PER2: variants seen among roughly 807,000 people sequenced by gnomAD.
The protein encoded by PER2 is period circadian protein homolog 2.
A neutral mutation model predicts 121.0 loss-of-function variants in PER2; 66 were observed. The observed-to-expected ratio is 0.55, with a 90% confidence interval of 0.45 to 0.67. The LOEUF (loss-of-function observed/expected upper bound fraction) is 0.67, where lower values mean the gene tolerates loss of function less well. Ranked by LOEUF, PER2 falls within the 30% of genes least tolerant of loss-of-function variation. The pLI is 0.00. For missense variants in PER2, 1,521 were observed against 1,635.0 expected (o/e 0.93, Z 1.20); for synonymous variants, 684 against 659.9 (o/e 1.04, Z -0.56).
intron 20 of PER2, 34 bp from the exon 21 acceptor site, chr2:238,250,777 T>C (rs368576230): frequency 3.2e-5 from 46 of 1,451,086 alleles, no homozygotes; most frequent in Non-Finnish European, 4.1e-5. Flanking sequence ...CGTCAAAACA[T>C]TGACATATGA....
chr2:238,286,436 T>C (rs1696785234), intron 1 of PER2, among the ~76,000 whole-genome samples: 1 of 151,832 alleles, frequency 6.6e-6, no homozygotes, highest in African/African-American at 2.4e-5. Context: ...CTTGGAGATA[T>C]GGTAACAAAC....
upstream of PER2, among the ~76,000 whole-genome samples, chr2:238,293,650 G>C (rs1038633058): frequency 6.6e-6 from 1 of 151,272 alleles, no homozygotes; most frequent in Non-Finnish European, 1.5e-5. Flanking sequence ...CAGGAGAATT[G>C]CTGGAACCCA....
intron 8 of PER2, among the ~76,000 whole-genome samples, chr2:238,265,833 G>T (rs142321989): frequency 1.6e-4 from 25 of 151,974 alleles, no homozygotes; most frequent in African/African-American, 6.0e-4. Context: ...CGAAACTGCC[G>T]TGTTAACAAA....
At chr2:238,255,223 A>G (rs978633385) in intron 18 of PER2, 1 of 288,290 alleles carries the variant, frequency 3.5e-6, no homozygotes, top group Non-Finnish European at 6.7e-6. Context: ...CCCAGTCAGG[A>G]GGGTGCATCT....
intron 18 of PER2, chr2:238,254,195 A>G (rs1269038042): frequency 1.0e-5 from 2 of 200,030 alleles, no homozygotes; most frequent in Non-Finnish European, 2.1e-5. Flanking sequence ...CAGCCTGAGC[A>G]AGATCAGAGG....
intron 10 of PER2, 47 bp downstream of exon 10, chr2:238,262,905 G>T: frequency 7.6e-7 from 1 of 1,314,754 alleles, no homozygotes; most frequent in Non-Finnish European, 1.1e-6. Context: ...AAGGACACAG[G>T]AACTTCCGCC....
At chr2:238,280,642 T>C (rs78839410) in intron 1 of PER2, among the ~76,000 whole-genome samples, 16,673 of 152,150 alleles carry the variant, frequency 0.11, 1,212 homozygotes, top group Admixed American at 0.17. Flanking sequence ...TGATAGGAGA[T>C]GCGTGACAGA....
rs776063565 is a variant in PER2, at chr2:238,277,911, G to A, written c.26C>T (p.Pro9Leu). MNGYAEFP[P>L]SPSNPTKEPV... The stretch of plus-strand genomic sequence containing the variant: ...CTCCTTGGTGGGGTTACTGGGGCTG[G>A]GCGGAAATTCCGCGTATCCATTCAT... Residue 9 changes from proline (P) to leucine (L), a missense_variant, in exon 2 of 23, where the codon CCC (proline) becomes CTC (leucine). Transcript: ENST00000254657. 1.1e-5 allele frequency: 17 copies of A among 1,613,910 alleles called. No homozygotes were observed. The highest frequency in any genetic ancestry group is 2.7e-5 in the African/African-American group (2 of 75,058).
In PER2 at chr2:238,271,472, G is replaced by T; in HGVS notation, c.612C>A (p.Ile204=). 1 of 1,614,018 alleles carries T rather than the reference G, an allele frequency of 6.2e-7. No homozygotes were observed. Among genetic ancestry groups the T allele is most frequent in the Non-Finnish European group, 8.5e-7 (1 of 1,179,902 alleles). ...ATGCAACCTGGTCAGAGATGTACAG[G>T]ATCTTCCCAGACACCAGGGACACGG... is the stretch of plus-strand genomic sequence containing the variant. ...AVAVSLVSGK[I]LYISDQVASI... The change falls in exon 6 of 23, where the codon ATC becomes ATA. Residue 204 remains isoleucine (I), a synonymous_variant. Coordinates refer to ENST00000254657, the MANE Select transcript of PER2 (RefSeq NM_022817.3).
In PER2 at chr2:238,262,442, T is replaced by A; in HGVS notation, c.1154-98A>T. ...AGAGTCACTCAGGCCCAGGATCATT[T>A]GCAAACTGTAGGGGTATGAACACTT... On this transcript the variant is annotated intron_variant, in intron 10 of 22. Transcript: ENST00000254657. 2.5e-6 allele frequency: 3 copies of A among 1,221,774 alleles called. No individual in the cohort carries two copies. In the South Asian group the frequency reaches 3.7e-5, roughly 15 times the overall value. The allele number at this position is 1,221,774 out of a possible 1,614,324, so 75.7% of individuals were successfully genotyped here.
At position 238,277,742 on chromosome 2, in the gene PER2, C is replaced by T. The variant is rs1162519853; in HGVS notation, c.195G>A (p.Leu65=). The change falls in exon 2 of 23, where the codon CTG becomes CTA. Residue 65 remains leucine (L), a synonymous_variant. Coordinates refer to ENST00000254657, the MANE Select transcript of PER2 (RefSeq NM_022817.3). ...GSDCDDSGKE[L]GMLVEPPDAR... is the part of the protein sequence containing the mutation. Reference sequence around the variant, plus strand: ...CATCCGGTGGCTCCACCAGCATCCCCAGCTCCTTCCCACTGTCGTCACAGT... The same window carrying T: ...CATCCGGTGGCTCCACCAGCATCCCTAGCTCCTTCCCACTGTCGTCACAGT... 5 of 1,614,078 alleles carry T rather than the reference C, an allele frequency of 3.1e-6. No individual in the cohort carries two copies. The highest frequency in any genetic ancestry group is 1.3e-5 in the African/African-American group (1 of 74,940).
chr2:238,248,585 C>T (rs1695508143), intron 22 of PER2, among the ~76,000 whole-genome samples: 1 of 152,048 alleles, frequency 6.6e-6, no homozygotes, highest in South Asian at 2.1e-4. Context: ...CATTGAAAAG[C>T]CACTGGAGAA....
In PER2 at chr2:238,252,671, G is replaced by C. The variant is rs1282999469; in HGVS notation, c.3111+241C>G. 6.6e-6 allele frequency among the ~76,000 whole-genome samples: 1 copy of C among 152,222 alleles called. No individual in the cohort carries two copies. Among genetic ancestry groups the C allele is most frequent in the Admixed American group, 6.5e-5 (1 of 15,282 alleles). On this transcript the variant is annotated intron_variant, in intron 19 of 22. Coordinates refer to ENST00000254657, the MANE Select transcript of PER2 (RefSeq NM_022817.3). This position sits in a 1 kb window ranked among gnomAD's most constrained non-coding sequence, Gnocchi z 4.2. ...AGTCACATGCTGCTTTCTGGAGTCT[G>C]TATCACAATCTCTCCTCCTTCATTC... is the stretch of plus-strand genomic sequence containing the variant.
rs561765097 is a variant in PER2 at position 238,253,044 on chromosome 2, C to T, written c.2979G>A (p.Leu993=). Residue 993 remains leucine, a synonymous_variant, in exon 19 of 23, where the codon CTG becomes CTA. Transcript: ENST00000254657. The surrounding 1 kb of genome is among the most constrained non-coding windows in gnomAD (Gnocchi z 5.6). ...CCTCAGGGGCTTCCTCCAGCTGCAG[C>T]AGGTTGAGCTGCAGGGGCGAGCTGC... ...SRSSSPLQLN[L]LQLEEAPEGG... The T allele has an allele frequency of 1.6e-4, 258 of 1,613,820 alleles. 1 individual carries two copies. In the South Asian group the frequency reaches 2.7e-3, roughly 17 times the overall value.
upstream of PER2, among the ~76,000 whole-genome samples, chr2:238,294,299 G>A (rs773206252): frequency 5.9e-5 from 9 of 152,198 alleles, no homozygotes; most frequent in African/African-American, 1.7e-4. Context: ...TCCTGGGGGC[G>A]TCACTGAGGG....
upstream of PER2, among the ~76,000 whole-genome samples, chr2:238,290,746 C>T (rs1355789610): frequency 2.0e-5 from 3 of 152,102 alleles, no homozygotes; most frequent in Non-Finnish European, 4.4e-5. Context: ...TGCAAAAATA[C>T]ATCTCACTGC....
In PER2 at chr2:238,262,970, G is replaced by C. The variant is rs1470377081; in HGVS notation, c.1135C>G (p.Leu379Val). Residue 379 changes from leucine (L) to valine (V), a missense_variant, in exon 10 of 23, where the codon CTG becomes GTG. By Grantham distance (32) the Leu-to-Val change is conservative. Coordinates refer to ENST00000254657, the MANE Select transcript of PER2 (RefSeq NM_022817.3). ...QLHPSDRPLM[L>V]AIHKKILQSG... ...GACCTACTCTTTTTGTGGATGGCCA[G>C]CATCAAGGGCCTGTCACTAGGGTGG... 1.2e-6 allele frequency: 2 copies of C among 1,611,162 alleles called. No individual in the cohort carries two copies. Among genetic ancestry groups the C allele is most frequent in the African/African-American group, 2.7e-5 (2 of 74,860 alleles).
chr2:238,269,902 G>A (rs1696233632), intron 6 of PER2, among the ~76,000 whole-genome samples: 1 of 152,272 alleles, frequency 6.6e-6, no homozygotes, highest in African/African-American at 2.4e-5. Flanking sequence ...CTGTCCCTGA[G>A]TAAGAGCAGG....
chr2:238,295,922 C>T, the PER2 span: 10 of 227,896 alleles, frequency 4.4e-5, no homozygotes, highest in South Asian at 3.2e-4. Flanking sequence ...TTTGCAAGCA[C>T]GGATGGTTTG....
Sources: allele counts gnomAD v4.1 joint callset (sites outside exome capture counted in the v4.1 genomes callset), GRCh38; gene constraint gnomAD v4.1.1; non-coding constraint Gnocchi (gnomAD v3.1); transcripts MANE v1.5; gene names NCBI Gene and HGNC (gene_info 2026-07-23, HGNC 2026-07-21).